The following TSHZ2 variants were observed in gnomAD, a reference collection of about 807,000 sequenced individuals.
The protein encoded by TSHZ2 is teashirt zinc finger homeobox 2.
In TSHZ2, 21 loss-of-function variants were observed where a neutral mutation model predicts 74.4. The ratio of observed to expected loss-of-function variants is 0.28; its 90% CI spans 0.20 to 0.41. The LOEUF (loss-of-function observed/expected upper bound fraction) is 0.41. TSHZ2 is among the 10% of genes least tolerant of loss of function. The pLI, the probability that TSHZ2 is intolerant of heterozygous loss-of-function variation, is 1.00. For synonymous variants in TSHZ2, 540 were observed against 515.3 expected (o/e 1.05, Z -0.65); for missense variants, 1,244 against 1,293.5 (o/e 0.96, Z 0.59).
intron 2 of TSHZ2, among the ~76,000 whole-genome samples, chr20:53,376,520 A>G (rs1697708554): frequency 6.6e-6 from 1 of 152,212 alleles, no homozygotes; most frequent in Non-Finnish European, 1.5e-5. Flanking sequence ...AAAATAATTT[A>G]TTAGTATCTC....
rs183479684 is a variant in TSHZ2, at chr20:53,354,484, A to T, written c.*8+97913A>T. The stretch of plus-strand genomic sequence containing the variant: ...GAAAGCATTTAATTTAAGCACAAGA[A>T]GATGACTCAAACTGAGCCACTGCAA... On this transcript the variant is annotated intron_variant, in intron 2 of 2. Transcript: ENST00000371497. 1.8e-3 allele frequency among the ~76,000 whole-genome samples: 280 copies of T among 152,358 alleles called. 2 individuals are homozygous for T. Among genetic ancestry groups the T allele is most frequent in the African/African-American group, 6.4e-3 (268 of 41,580 alleles).
intron 1 of TSHZ2, among the ~76,000 whole-genome samples, chr20:52,983,536 T>A (rs1981644949): frequency 6.6e-6 from 1 of 152,218 alleles, no homozygotes; most frequent in Non-Finnish European, 1.5e-5. Context: ...GTATACTAAT[T>A]AATTACTTTC....
At chr20:53,201,903 A>G (rs1989017563) in intron 1 of TSHZ2, among the ~76,000 whole-genome samples, 2 of 152,206 alleles carry the variant, frequency 1.3e-5, no homozygotes, top group South Asian at 2.1e-4. Flanking sequence ...CCTGGCTGAC[A>G]ACCGCTGGGG....
chr20:53,132,972 T>C (rs1042121062), intron 1 of TSHZ2, among the ~76,000 whole-genome samples: 1 of 152,338 alleles, frequency 6.6e-6, no homozygotes, highest in South Asian at 2.1e-4. Context: ...TCATGATGCA[T>C]ATCTCTTTTC....
rs143658320 is a variant in TSHZ2 at position 53,118,907 on chromosome 20, G to A, written c.41-134592G>A. Among the ~76,000 whole-genome samples, 500 of 152,278 alleles carry A rather than the reference G, an allele frequency of 3.3e-3. 4 individuals are homozygous for A. The highest frequency in any genetic ancestry group is 0.012 in the African/African-American group (485 of 41,564). On this transcript the variant is annotated intron_variant, in intron 1 of 2. Coordinates refer to ENST00000371497, the MANE Select transcript of TSHZ2 (RefSeq NM_173485.6). ...ATCGGCTCAAGAAGCTCACAATCAT[G>A]GCAGAAGATGAAGGGGGAGAACACA...
At chr20:53,459,334 T>A (rs1360295377) in intron 2 of TSHZ2, among the ~76,000 whole-genome samples, 14 of 152,168 alleles carry the variant, frequency 9.2e-5, no homozygotes, top group Admixed American at 8.5e-4. Context: ...TCTCTTTTGA[T>A]CTTTGTTGGT....
intron 1 of TSHZ2, among the ~76,000 whole-genome samples, chr20:53,187,436 A>G (rs1276710166): frequency 6.6e-6 from 1 of 152,182 alleles, no homozygotes; most frequent in Non-Finnish European, 1.5e-5. Flanking sequence ...GCTTTGATAA[A>G]TGGCTAGATG....
rs528661621 is a variant in TSHZ2 at position 53,027,674 on chromosome 20, G to A, written c.40+54341G>A. 3.3e-5 allele frequency among the ~76,000 whole-genome samples: 5 copies of A among 152,226 alleles called. No individual in the cohort carries two copies. In the South Asian group the frequency reaches 8.3e-4, roughly 25 times the overall value. On this transcript the variant is annotated intron_variant, in intron 1 of 2. Coordinates refer to ENST00000371497, the MANE Select transcript of TSHZ2 (RefSeq NM_173485.6). ...AGACCCCTGCTGGGTGCAGGGGATC[G>A]CTTGAGCCCAGGAGTTTGAAGCTGC...
At chr20:53,243,832 T>TTC (rs1555840076) in intron 1 of TSHZ2, among the ~76,000 whole-genome samples, 1 of 151,728 alleles carries the variant, frequency 6.6e-6, no homozygotes, top group African/African-American at 2.4e-5. Flanking sequence ...CTTTTTTTTT[T>TTC]TTTCTTTCTT....
At chr20:53,149,195 T>A (rs901845448) in intron 1 of TSHZ2, among the ~76,000 whole-genome samples, 13 of 151,256 alleles carry the variant, frequency 8.6e-5, no homozygotes, top group Admixed American at 6.6e-4. Context: ...TTTTTTTTTT[T>A]AAAGTTGATT....
intron 1 of TSHZ2, among the ~76,000 whole-genome samples, chr20:53,017,369 A>G (rs1427945999): frequency 1.3e-5 from 2 of 152,170 alleles, no homozygotes; most frequent in African/African-American, 2.4e-5. Context: ...CTCCCTGAGG[A>G]TCTCTCAAAG....
At chr20:53,338,419 A>G (rs1980044606) in intron 2 of TSHZ2, among the ~76,000 whole-genome samples, 1 of 152,192 alleles carries the variant, frequency 6.6e-6, no homozygotes, top group Non-Finnish European at 1.5e-5. Flanking sequence ...AAGTAACACA[A>G]TTAGTATTCT....
chr20:53,367,978 C>G (rs1405516110), intron 2 of TSHZ2, among the ~76,000 whole-genome samples: 3 of 152,096 alleles, frequency 2.0e-5, no homozygotes, highest in African/African-American at 7.2e-5. Flanking sequence ...CAATAAAACA[C>G]TAATCCAATA....
At chr20:53,304,959 G>A (rs1476969829) in intron 2 of TSHZ2, among the ~76,000 whole-genome samples, 1 of 135,938 alleles carries the variant, frequency 7.4e-6, no homozygotes, top group African/African-American at 2.8e-5. Context: ...TTTTTGAGAC[G>A]GAGTCTTGCT....
chr20:53,237,324 G>A (rs577434034), intron 1 of TSHZ2, among the ~76,000 whole-genome samples: 1 of 152,256 alleles, frequency 6.6e-6, no homozygotes, highest in South Asian at 2.1e-4. Flanking sequence ...GCCCAGCTTA[G>A]CTCTCTGAAT....
In TSHZ2 at chr20:53,237,510, T is replaced by A. The variant is rs1007328160; in HGVS notation, c.41-15989T>A. ...CTCTCTCTTTCTCTGTGTGAGTGTG[T>A]GTGTGTGTGTGTGTGTGCGCGTGCA... is the stretch of plus-strand genomic sequence containing the variant. On this transcript the variant is annotated intron_variant, in intron 1 of 2. Coordinates refer to ENST00000371497, the MANE Select transcript of TSHZ2 (RefSeq NM_173485.6). Among the ~76,000 whole-genome samples, 5 of 151,664 alleles carry A rather than the reference T, an allele frequency of 3.3e-5. No individual in the cohort carries two copies. In the South Asian group the frequency reaches 1.0e-3, roughly 31 times the overall value.
chr20:53,254,552 G>A lies in TSHZ2; in HGVS notation c.1094G>A (p.Gly365Glu). The change falls in exon 2 of 3, where the codon GGA (glycine) becomes GAA (glutamate). Residue 365 changes from glycine to glutamate, a missense_variant. Coordinates refer to ENST00000371497, the MANE Select transcript of TSHZ2 (RefSeq NM_173485.6). ...AACAACCGCTATGGCTACCAAAATG[G>A]AGCCAGCTACACCTGGCAGTTTGAG... ...SSNNRYGYQN[G>E]ASYTWQFEAC... The A allele has an allele frequency of 2.5e-6, 4 of 1,613,376 alleles. No homozygotes were observed. In the East Asian group the frequency reaches 6.7e-5, roughly 27 times the overall value.
intron 2 of TSHZ2, among the ~76,000 whole-genome samples, chr20:53,316,339 G>T (rs902487400): frequency 2.0e-5 from 3 of 152,162 alleles, no homozygotes; most frequent in African/African-American, 7.2e-5. Context: ...ATAACAATAG[G>T]TTCACAGAAA....
At chr20:53,391,589 G>C (rs1479535925) in intron 2 of TSHZ2, among the ~76,000 whole-genome samples, 1 of 151,864 alleles carries the variant, frequency 6.6e-6, no homozygotes, top group Non-Finnish European at 1.5e-5. Flanking sequence ...GAGCCACCAT[G>C]TCCAGCCCAG....
Sources: allele counts gnomAD v4.1 joint callset (sites outside exome capture counted in the v4.1 genomes callset), GRCh38; gene constraint gnomAD v4.1.1; transcripts MANE v1.5; gene names NCBI Gene and HGNC (gene_info 2026-07-23, HGNC 2026-07-21).